The following NME7 variants were observed in gnomAD, a reference collection of about 807,000 sequenced individuals.
NME7 encodes the protein NME/NM23 family member 7.
NME7 carries 41 observed loss-of-function variants against 49.1 expected under a neutral mutation model. The observed-to-expected ratio is 0.83, with a 90% CI of 0.65 to 1.08. The LOEUF is 1.08. NME7 is among the 50% of genes least tolerant of loss of function. NME7 has a pLI of 0.00. For missense variants in NME7, 423 were observed against 463.4 expected, an observed-to-expected ratio of 0.91 and a Z score of 0.80; for synonymous variants, 139 against 150.6, an observed-to-expected ratio of 0.92 and a Z score of 0.56.
chr1:169,171,559 T>TA (rs1659590298), intron 10 of NME7, among the ~76,000 whole-genome samples: 1 of 152,090 alleles, frequency 6.6e-6, no homozygotes, highest in African/African-American at 2.4e-5. Flanking sequence ...GGTCAGGAGT[T>TA]AGAGACCAGC....
intron 4 of NME7, 81 bp from the exon 5 acceptor site, chr1:169,303,276 G>T: frequency 1.7e-6 from 1 of 603,470 alleles, no homozygotes; most frequent in Non-Finnish European, 2.7e-6. Context: ...ATAAAATTAA[G>T]ATAAAATCCT....
At chr1:169,328,706 A>G (rs555327376) in intron 1 of NME7, among the ~76,000 whole-genome samples, 1 of 152,372 alleles carries the variant, frequency 6.6e-6, no homozygotes, top group African/African-American at 2.4e-5. Context: ...GAGCCAAAGT[A>G]CAATTCTTAC....
intron 10 of NME7, among the ~76,000 whole-genome samples, chr1:169,179,114 C>G (rs1423547641): frequency 6.6e-6 from 1 of 152,164 alleles, no homozygotes; most frequent in Non-Finnish European, 1.5e-5. Flanking sequence ...AGCCACCGCA[C>G]CTGGCCTAAA....
At chr1:169,243,552 G>C (rs1322168229) in intron 7 of NME7, among the ~76,000 whole-genome samples, 1 of 152,214 alleles carries the variant, frequency 6.6e-6, no homozygotes, top group Non-Finnish European at 1.5e-5. Context: ...TTGTGGGGAA[G>C]AGGTGATTAG....
Position 169,287,424 on chromosome 1 carries a change from A to G in NME7, c.649-16T>C, listed in dbSNP as rs1650320726. The G allele has an allele frequency of 6.5e-7, 1 of 1,544,128 alleles. No individual in the cohort carries two copies. Among genetic ancestry groups the G allele is most frequent in the Non-Finnish European group, 8.8e-7 (1 of 1,139,488 alleles). On this transcript the variant is annotated splice_polypyrimidine_tract_variant and intron_variant, in intron 6 of 11. Transcript: ENST00000367811. ...ACTCCATTTCCTAAAGACAGAGAGA[A>G]ATGATTTTGACAAATGTGATCTCTT...
At chr1:169,329,799 C>T (rs1652190129) in intron 1 of NME7, among the ~76,000 whole-genome samples, 1 of 151,958 alleles carries the variant, frequency 6.6e-6, no homozygotes, top group Non-Finnish European at 1.5e-5. Context: ...AGAGACCTTC[C>T]CAAACCTAGA....
chr1:169,314,975 TAA>T (rs1219203276), intron 3 of NME7, among the ~76,000 whole-genome samples: 1 of 152,208 alleles, frequency 6.6e-6, no homozygotes, highest in East Asian at 1.9e-4. Context: ...TTCATAGTAA[TAA>T]AAGATTCAAT....
intron 1 of NME7, among the ~76,000 whole-genome samples, chr1:169,344,198 T>C (rs889739945): frequency 6.6e-6 from 1 of 152,222 alleles, no homozygotes; most frequent in African/African-American, 2.4e-5. Context: ...GTGTTCATTA[T>C]AGTATATGGA....
At chr1:169,145,893 T>A (rs1658733775) in intron 11 of NME7, among the ~76,000 whole-genome samples, 1 of 152,178 alleles carries the variant, frequency 6.6e-6, no homozygotes, top group Non-Finnish European at 1.5e-5. Flanking sequence ...GAGAGTATAG[T>A]GGGCCTGAAG....
intron 1 of NME7, among the ~76,000 whole-genome samples, chr1:169,336,027 CA>C (rs1313166754): frequency 1.3e-5 from 2 of 151,922 alleles, no homozygotes; most frequent in African/African-American, 4.8e-5. Flanking sequence ...TAAGGTGGCG[CA>C]TCCGGAGTCT....
intron 11 of NME7, among the ~76,000 whole-genome samples, chr1:169,162,324 C>T (rs1026019763): frequency 6.6e-6 from 1 of 151,540 alleles, no homozygotes; most frequent in African/African-American, 2.4e-5. Context: ...CTTATACATA[C>T]AATTAAATAT....
intron 3 of NME7, among the ~76,000 whole-genome samples, chr1:169,316,515 A>C (rs908053193): frequency 7.9e-5 from 12 of 152,184 alleles, no homozygotes; most frequent in Admixed American, 7.9e-4. Flanking sequence ...TCACCTGCCA[A>C]AAAGGACTTT....
Position 169,257,657 on chromosome 1 carries a change from C to T in NME7, c.755-19970G>A, listed in dbSNP as rs578247695. Among the ~76,000 whole-genome samples, 5 of 134,156 alleles carry T rather than the reference C, an allele frequency of 3.7e-5. 1 individual carries two copies. In the East Asian group the frequency reaches 1.0e-3, roughly 27 times the overall value. 88.0% of individuals were successfully genotyped at this position (134,156 alleles called of 152,430 possible). A position where few individuals can be genotyped will look rare whatever the true frequency, so the allele number is the denominator to read the frequency against. ...TTTTATGCTTTCAAGAGGTTCTATTCTGGTTCATAATTGCCTTTTTCTTTT... is the reference window on the plus strand; with the variant it reads ...TTTTATGCTTTCAAGAGGTTCTATTTTGGTTCATAATTGCCTTTTTCTTTT... On this transcript the variant is annotated intron_variant, in intron 7 of 11. Transcript: ENST00000367811.
intron 7 of NME7, chr1:169,287,099 C>A (rs1239194028): frequency 4.1e-6 from 2 of 489,976 alleles, no homozygotes; most frequent in Non-Finnish European, 7.1e-6. Flanking sequence ...TCAAAGAACA[C>A]CTCCTAAAAA....
At chr1:169,199,146 G>C (rs1468030810) in intron 10 of NME7, among the ~76,000 whole-genome samples, 1 of 151,954 alleles carries the variant, frequency 6.6e-6, no homozygotes, top group African/African-American at 2.4e-5. Context: ...ACCTTGGCCA[G>C]TATCATACTG....
chr1:169,213,492 T>C (rs1660890245), intron 10 of NME7, among the ~76,000 whole-genome samples: 1 of 152,210 alleles, frequency 6.6e-6, no homozygotes, highest in Non-Finnish European at 1.5e-5. Flanking sequence ...AAAAGTTGTA[T>C]TATTCCCCTT....
intron 10 of NME7, among the ~76,000 whole-genome samples, chr1:169,226,456 A>T (rs1303784108): frequency 6.6e-6 from 1 of 152,224 alleles, no homozygotes; most frequent in Non-Finnish European, 1.5e-5. Context: ...ATGGATTTTG[A>T]AATTCTGAGA....
At chr1:169,142,827 G>A (rs1658637289) in intron 11 of NME7, among the ~76,000 whole-genome samples, 1 of 152,124 alleles carries the variant, frequency 6.6e-6, no homozygotes, top group Admixed American at 6.6e-5. Context: ...GCTCATTCTC[G>A]CATGGCATCC....
intron 10 of NME7, among the ~76,000 whole-genome samples, chr1:169,213,073 C>T (rs1660877022): frequency 6.6e-6 from 1 of 151,962 alleles, no homozygotes; most frequent in Non-Finnish European, 1.5e-5. Flanking sequence ...CTGTGATGTG[C>T]CTTATAAAGA....
Sources: allele counts gnomAD v4.1 joint callset (sites outside exome capture counted in the v4.1 genomes callset), GRCh38; gene constraint gnomAD v4.1.1; transcripts MANE v1.5; gene names NCBI Gene and HGNC (gene_info 2026-07-23, HGNC 2026-07-21).